The following PRMT1 variants were observed in gnomAD, a reference collection of about 807,000 sequenced individuals.
The protein encoded by PRMT1 is protein arginine N-methyltransferase 1.
In PRMT1, 5 loss-of-function variants were observed where a neutral mutation model predicts 47.4. That is an observed-to-expected ratio of 0.11 (90% CI 0.06 to 0.22). The LOEUF (loss-of-function observed/expected upper bound fraction) is 0.22. Ranked by LOEUF, PRMT1 falls within the 10% of genes least tolerant of loss-of-function variation. The pLI is 1.00. For missense variants in PRMT1, 249 were observed against 518.4 expected, an observed-to-expected ratio of 0.48 and a Z score of 5.05; for synonymous variants, 227 against 204.6, an observed-to-expected ratio of 1.11 and a Z score of -0.94.
At chr19:49,687,162 G>A (rs1327296834) in intron 10 of PRMT1, among the ~76,000 whole-genome samples, 1 of 152,140 alleles carries the variant, frequency 6.6e-6, no homozygotes, top group Non-Finnish European at 1.5e-5. Flanking sequence ...TGGGAGGCAT[G>A]AGAGGAGAAA....
intron 5 of PRMT1, 38 bp downstream of exon 5, chr19:49,682,297 G>T (rs765478991): frequency 6.2e-7 from 1 of 1,601,706 alleles, no homozygotes; most frequent in Non-Finnish European, 8.5e-7. Flanking sequence ...GGGAGTGGAG[G>T]GGGTGATGCC....
At position 49,680,917 on chromosome 19, in the gene PRMT1, C is replaced by A. The variant is rs2082109356; in HGVS notation, c.192+329C>A. Reference sequence around the variant, plus strand: ...GGGACTGCGCCCCGGCTGCTCCCGCCCTAACAGCTTCTGCACACTTCAGAT... The same window carrying A: ...GGGACTGCGCCCCGGCTGCTCCCGCACTAACAGCTTCTGCACACTTCAGAT... On this transcript the variant is annotated intron_variant, in intron 3 of 10. Coordinates refer to ENST00000454376, the MANE Select transcript of PRMT1 (RefSeq NM_001536.6). This position sits in a 1 kb window ranked among gnomAD's most constrained non-coding sequence, Gnocchi z 4.2. 6.6e-6 allele frequency among the ~76,000 whole-genome samples: 1 copy of A among 152,204 alleles called. No individual in the cohort carries two copies. The highest frequency in any genetic ancestry group is 1.5e-5 in the Non-Finnish European group (1 of 68,020).
In PRMT1 at chr19:49,680,497, GC is replaced by G; in HGVS notation, c.103del (p.Gln35ArgfsTer13). 6.2e-7 allele frequency: 1 copy of G among 1,613,966 alleles called. No homozygotes were observed. The highest frequency in any genetic ancestry group is 8.5e-7 in the Non-Finnish European group (1 of 1,179,896). The stretch of plus-strand genomic sequence containing the variant: ...TCGGCCCCCTCCCAGGTGTCCTGTG[GC>G]CAGGCGGAAAGCAGTGAGAAGCCCA... Reference protein sequence around the residue: ...LQPPLEEVSCGQAESSEKPNA... With the variant: ...LQPPLEEVSCXQAESSEKPNA... On this transcript the variant is annotated frameshift_variant, in exon 3 of 11. Transcript: ENST00000454376. LOFTEE classifies it high-confidence loss of function. The surrounding 1 kb of genome is among the most constrained non-coding windows in gnomAD (Gnocchi z 4.2).
chr19:49,680,728 AG>A lies in PRMT1; in HGVS notation c.192+143del, dbSNP rs59210247. The A allele has an allele frequency of 2.2e-3, 1,474 of 678,216 alleles. 22 individuals carry two copies. The African/African-American group carries it at 0.024, about 11-fold the overall frequency. 42.0% of individuals were successfully genotyped at this position (678,216 alleles called of 1,614,324 possible). A position where few individuals can be genotyped will look rare whatever the true frequency, so the allele number is the denominator to read the frequency against. On this transcript the variant is annotated intron_variant, in intron 3 of 10. Transcript: ENST00000454376. This position sits in a 1 kb window ranked among gnomAD's most constrained non-coding sequence, Gnocchi z 4.2. ...CCTGCCCCTCTGCTGCGCACTTCCT[AG>A]GGTCGCCTCGCCAAGCCGTTGCCTT... is the stretch of plus-strand genomic sequence containing the variant.
upstream of PRMT1, chr19:49,676,400 T>C (rs984957313): frequency 2.0e-5 from 3 of 152,258 alleles, no homozygotes; most frequent in African/African-American, 7.2e-5. Context: ...GCCTAAGCTG[T>C]GCTCTGATTC....
In PRMT1 at chr19:49,685,799, C is replaced by A; in HGVS notation, c.760-294C>A. The A allele has an allele frequency of 8.2e-7, 1 of 1,220,170 alleles. No individual in the cohort carries two copies. The highest frequency in any genetic ancestry group is 2.2e-5 in the South Asian group (1 of 45,258). The allele number at this position is 1,220,170 out of a possible 1,614,324, so 75.6% of individuals were successfully genotyped here. A position where few individuals can be genotyped will look rare whatever the true frequency, so the allele number is the denominator to read the frequency against. ...TGGACTTGTCAAGGGGTTGGGGAGACAGTGGAGTGGGGCGCCTGCATTCTA... is the reference window on the plus strand; with the variant it reads ...TGGACTTGTCAAGGGGTTGGGGAGAAAGTGGAGTGGGGCGCCTGCATTCTA... On this transcript the variant is annotated intron_variant, in intron 8 of 10. Coordinates refer to ENST00000454376, the MANE Select transcript of PRMT1 (RefSeq NM_001536.6). The surrounding 1 kb of genome is among the most constrained non-coding windows in gnomAD (Gnocchi z 4.7).
rs1204199176 is a variant in PRMT1, at chr19:49,680,787, G to A, written c.192+199G>A. ...GAGGTTAGCCTGAATCTCTGCAGGG[G>A]CCTCGCGCCGAAGGCTGGGGTGGGA... On this transcript the variant is annotated intron_variant, in intron 3 of 10. Transcript: ENST00000454376. This position sits in a 1 kb window ranked among gnomAD's most constrained non-coding sequence, Gnocchi z 4.2. Among the ~76,000 whole-genome samples, 1 of 152,248 alleles carries A rather than the reference G, an allele frequency of 6.6e-6. No homozygotes were observed. Among genetic ancestry groups the A allele is most frequent in the African/African-American group, 2.4e-5 (1 of 41,468 alleles).
chr19:49,686,287 G>A, intron 9 of PRMT1, 44 bp downstream of exon 9: 1 of 1,546,516 alleles, frequency 6.5e-7, no homozygotes. Flanking sequence ...CCGAGCCAGG[G>A]CGGAGGCGCA....
In PRMT1 at chr19:49,682,225, G is replaced by T. The variant is rs780735676; in HGVS notation, c.378G>T (p.Ala126=). The change falls in exon 5 of 11, where the codon GCG becomes GCT. Residue 126 remains alanine, a synonymous_variant. Coordinates refer to ENST00000454376, the MANE Select transcript of PRMT1 (RefSeq NM_001536.6). ...AGTGTTCCAGTATCTCTGATTATGC[G>T]GTGAAGATCGTCAAAGCCAACAAGT... ...GIECSSISDY[A]VKIVKANKLD... 6.2e-7 allele frequency: 1 copy of T among 1,613,862 alleles called. No homozygotes were observed. Among genetic ancestry groups the T allele is most frequent in the South Asian group, 1.1e-5 (1 of 91,074 alleles).
At chr19:49,683,639 G>A in intron 5 of PRMT1, 1 of 287,902 alleles carries the variant, frequency 3.5e-6, no homozygotes, top group South Asian at 3.4e-5. Flanking sequence ...AGTGAGCTGA[G>A]ATCACGCCAC....
chr19:49,679,278 G>A (rs945035966), intron 1 of PRMT1, among the ~76,000 whole-genome samples: 1 of 152,148 alleles, frequency 6.6e-6, no homozygotes, highest in Non-Finnish European at 1.5e-5. Context: ...ATAAGGGAGG[G>A]GGTTGGTTCC....
chr19:49,676,226 C>T (rs1232800725), upstream of PRMT1: 1 of 152,254 alleles, frequency 6.6e-6, no homozygotes, highest in Non-Finnish European at 1.5e-5. Context: ...GCCCAGAAAC[C>T]AAAGAGCGAG....
chr19:49,682,664 A>G (rs2122971912), intron 5 of PRMT1, among the ~76,000 whole-genome samples: 1 of 152,096 alleles, frequency 6.6e-6, no homozygotes, highest in South Asian at 2.1e-4. Context: ...GTAGCATTTC[A>G]TACCAGCCTC....
chr19:49,680,794 G>A lies in PRMT1; in HGVS notation c.192+206G>A, dbSNP rs1035976751. ...GCCTGAATCTCTGCAGGGGCCTCGC[G>A]CCGAAGGCTGGGGTGGGAGAGCGCA... is the stretch of plus-strand genomic sequence containing the variant. On this transcript the variant is annotated intron_variant, in intron 3 of 10. Transcript: ENST00000454376. The surrounding 1 kb of genome is among the most constrained non-coding windows in gnomAD (Gnocchi z 4.2). Among the ~76,000 whole-genome samples the A allele has an allele frequency of 2.0e-5, 3 of 152,338 alleles. No homozygotes were observed. The highest frequency in any genetic ancestry group is 1.9e-4 in the East Asian group (1 of 5,186).
At chr19:49,677,213 G>A, upstream of PRMT1, 3 of 1,368,918 alleles carry the variant, frequency 2.2e-6, no homozygotes, top group Non-Finnish European at 2.9e-6. Context: ...CTGGTATAAG[G>A]CGGTCCCGGG....
rs2082163815 is a variant in PRMT1 at position 49,683,915 on chromosome 19, G to C, written c.413-12G>C. The C allele has an allele frequency of 6.2e-7, 1 of 1,611,036 alleles. No homozygotes were observed. Among genetic ancestry groups the C allele is most frequent in the Non-Finnish European group, 8.5e-7 (1 of 1,178,576 alleles). ...CCCGGGGGCTGACGTGGCCACCCTT[G>C]TCCGCCCGCAGTGGTGACCATCATC... On this transcript the variant is annotated splice_polypyrimidine_tract_variant and intron_variant, in intron 5 of 10. Coordinates refer to ENST00000454376, the MANE Select transcript of PRMT1 (RefSeq NM_001536.6).
rs1056546371 is a variant in PRMT1 at position 49,682,368 on chromosome 19, C to T, written c.412+109C>T. The stretch of plus-strand genomic sequence containing the variant: ...CTACAGATGACCACAGATTCAGCAG[C>T]TCCCAACCCATGGTCTTTTGGGCTG... On this transcript the variant is annotated intron_variant, in intron 5 of 10. Coordinates refer to ENST00000454376, the MANE Select transcript of PRMT1 (RefSeq NM_001536.6). 9 of 1,200,782 alleles carry T rather than the reference C, an allele frequency of 7.5e-6. No individual in the cohort carries two copies. The African/African-American group carries it at 7.6e-5, about 10-fold the overall frequency. 74.4% of individuals were successfully genotyped at this position (1,200,782 alleles called of 1,614,324 possible).
At chr19:49,679,802 G>T in intron 1 of PRMT1, 70 bp from the exon 2 acceptor site, 1 of 1,265,066 alleles carries the variant, frequency 7.9e-7, no homozygotes, top group Non-Finnish European at 1.1e-6. Context: ...CCAGAGCCCA[G>T]GTTCCGCCAC....
Position 49,685,058 on chromosome 19 carries a change from A to G in PRMT1, c.759+21A>G. On this transcript the variant is annotated intron_variant, in intron 8 of 10. Transcript: ENST00000454376. This position sits in a 1 kb window ranked among gnomAD's most constrained non-coding sequence, Gnocchi z 4.7. ...TAAAGGTGAGGGGGTGGGCATGGCC[A>G]GGTGCCCCCTGGGTTGAAACCAAAG... 6.2e-7 allele frequency: 1 copy of G among 1,614,020 alleles called. No homozygotes were observed. The highest frequency in any genetic ancestry group is 1.3e-5 in the African/African-American group (1 of 75,046).
Sources: gnomAD v4.1 joint callset for allele counts (sites outside exome capture counted in the v4.1 genomes callset) on GRCh38, gnomAD v4.1.1 for gene constraint, Gnocchi (gnomAD v3.1) non-coding constraint, MANE v1.5 for transcripts, NCBI Gene and HGNC (gene_info 2026-07-23, HGNC 2026-07-21) for gene names.